Variants in TMEM108 observed in about 807,000 individuals in gnomAD.
The protein encoded by TMEM108 is transmembrane protein 108, also known as cancer/testis antigen 124.
In TMEM108, 12 loss-of-function variants were observed where a neutral mutation model predicts 35.1. The observed-to-expected ratio is 0.34, with a 90% confidence interval of 0.22 to 0.55. The LOEUF (loss-of-function observed/expected upper bound fraction) is 0.55. TMEM108 is among the 20% of genes least tolerant of loss of function. The pLI is 0.89. For synonymous variants in TMEM108, 287 were observed against 308.6 expected (o/e 0.93, Z 0.73); for missense variants, 680 against 753.3 (o/e 0.90, Z 1.14).
chr3:133,125,696 T>C (rs1944406327), intron 2 of TMEM108, among the ~76,000 whole-genome samples: 1 of 152,208 alleles, frequency 6.6e-6, no homozygotes, highest in East Asian at 1.9e-4. Context: ...GGATAAAGTT[T>C]TACTTGTGCA....
At chr3:133,186,059 T>G (rs1553745119) in intron 2 of TMEM108, among the ~76,000 whole-genome samples, 2 of 150,258 alleles carry the variant, frequency 1.3e-5, no homozygotes, top group Non-Finnish European at 1.5e-5. Flanking sequence ...TGAGCCACCG[T>G]GCCCAGCTGG....
rs532738619 is a variant in TMEM108, at chr3:133,210,427, A to G, written c.-46-18839A>G. Among the ~76,000 whole-genome samples the G allele has an allele frequency of 1.4e-3, 210 of 152,308 alleles. 1 individual carries two copies. Among genetic ancestry groups the G allele is most frequent in the South Asian group, 2.3e-3 (11 of 4,828 alleles). The stretch of plus-strand genomic sequence containing the variant: ...TTGGATTCCAAGACTTGCTGATCAT[A>G]ATAGCCATATTGGGAGCCTTTTAAA... On this transcript the variant is annotated intron_variant, in intron 2 of 5. Transcript: ENST00000321871.
chr3:133,147,177 T>C (rs191155631), intron 2 of TMEM108, among the ~76,000 whole-genome samples: 12 of 152,316 alleles, frequency 7.9e-5, no homozygotes, highest in African/African-American at 2.9e-4. Flanking sequence ...TTCTCATAGG[T>C]TTCAAAGAAC....
At chr3:133,172,976 T>G (rs1366150149) in intron 2 of TMEM108, among the ~76,000 whole-genome samples, 4 of 152,188 alleles carry the variant, frequency 2.6e-5, no homozygotes, top group African/African-American at 9.7e-5. Context: ...CTTCTTGCCT[T>G]CCACCATGAT....
At chr3:133,311,872 T>A (rs186213263) in intron 3 of TMEM108, among the ~76,000 whole-genome samples, 1 of 152,362 alleles carries the variant, frequency 6.6e-6, no homozygotes, top group Non-Finnish European at 1.5e-5. Flanking sequence ...TCTTTGATGA[T>A]GGTGACCTAC....
intron 2 of TMEM108, among the ~76,000 whole-genome samples, chr3:133,116,261 A>G (rs1944286779): frequency 6.6e-6 from 1 of 152,214 alleles, no homozygotes; most frequent in African/African-American, 2.4e-5. Context: ...CAAGAATCAC[A>G]GTAAATTTGA....
At chr3:133,386,361 T>A in intron 4 of TMEM108, 1 of 1,529,774 alleles carries the variant, frequency 6.5e-7, no homozygotes, top group Non-Finnish European at 8.8e-7. Context: ...AATTCAATAG[T>A]TGTTTGAAAG....
intron 2 of TMEM108, among the ~76,000 whole-genome samples, chr3:133,174,712 C>A (rs1489983324): frequency 6.6e-6 from 1 of 152,102 alleles, no homozygotes; most frequent in Non-Finnish European, 1.5e-5. Flanking sequence ...GTAGATAAAA[C>A]CACAAAGATG....
chr3:133,385,595 A>C (rs905577479), intron 4 of TMEM108, among the ~76,000 whole-genome samples: 2 of 152,202 alleles, frequency 1.3e-5, no homozygotes, highest in African/African-American at 4.8e-5. Flanking sequence ...CCATGGGCGA[A>C]TCCTTTCCCT....
At chr3:133,065,634 G>C (rs898992599) in intron 2 of TMEM108, among the ~76,000 whole-genome samples, 1 of 151,946 alleles carries the variant, frequency 6.6e-6, no homozygotes, top group Non-Finnish European at 1.5e-5. Flanking sequence ...CCAACAAGTT[G>C]TTTTATTCAT....
intron 3 of TMEM108, chr3:133,378,384 G>C (rs2072905050): frequency 1.0e-6 from 1 of 985,384 alleles, no homozygotes; most frequent in African/African-American, 1.7e-5. Flanking sequence ...CACAGCTGGG[G>C]CCCCTGCTTT....
chr3:133,159,806 C>T lies in TMEM108; in HGVS notation c.-46-69460C>T, dbSNP rs1323216828. Among the ~76,000 whole-genome samples the T allele has an allele frequency of 3.9e-5, 6 of 152,330 alleles. No individual in the cohort carries two copies. The South Asian group carries it at 1.0e-3, about 26-fold the overall frequency. On this transcript the variant is annotated intron_variant, in intron 2 of 5. Coordinates refer to ENST00000321871, the MANE Select transcript of TMEM108 (RefSeq NM_023943.4). Reference sequence around the variant, plus strand: ...TAGGACCTCTCTTCTTTAACTGCTACTCTATGCCCATCCTGTATCCCTTCT... The same window carrying T: ...TAGGACCTCTCTTCTTTAACTGCTATTCTATGCCCATCCTGTATCCCTTCT...
chr3:133,163,209 T>A (rs1424092865), intron 2 of TMEM108, among the ~76,000 whole-genome samples: 1 of 152,096 alleles, frequency 6.6e-6, no homozygotes, highest in Non-Finnish European at 1.5e-5. Context: ...GGGAACCCTT[T>A]TTTCTGAGAT....
At chr3:133,244,690 T>G (rs971339143) in intron 3 of TMEM108, among the ~76,000 whole-genome samples, 23 of 152,244 alleles carry the variant, frequency 1.5e-4, no homozygotes, top group African/African-American at 5.3e-4. Context: ...GCAGAATCAT[T>G]GCCAGCCTGA....
rs1474416215 is a variant in TMEM108, at chr3:133,397,111, GC to G, written c.*1127del. ...TCCCCTTGTTCCCGGCCGGCTGGCT[GC>G]CTCCCCGTGCTGTGTCCAGCACGGC... is the stretch of plus-strand genomic sequence containing the variant. On this transcript the variant is annotated 3_prime_UTR_variant, in exon 6 of 6. Transcript: ENST00000321871. The G allele has an allele frequency of 6.6e-6, 1 of 152,156 alleles. No individual in the cohort carries two copies. The highest frequency in any genetic ancestry group is 2.4e-5 in the African/African-American group (1 of 41,430). The allele number at this position is 152,156 out of a possible 1,614,324, so 9.4% of individuals were successfully genotyped here. A position where few individuals can be genotyped will look rare whatever the true frequency, so the allele number is the denominator to read the frequency against.
chr3:133,391,455 T>A (rs1374886173), intron 5 of TMEM108, among the ~76,000 whole-genome samples: 1 of 152,154 alleles, frequency 6.6e-6, no homozygotes, highest in African/African-American at 2.4e-5. Flanking sequence ...TAAACATAAC[T>A]GTGGTCACAT....
At chr3:133,236,329 GGAA>G (rs1946237002) in intron 3 of TMEM108, among the ~76,000 whole-genome samples, 1 of 151,976 alleles carries the variant, frequency 6.6e-6, no homozygotes, top group Non-Finnish European at 1.5e-5. Context: ...GAAAAGGAGG[GGAA>G]GAAGGAGAAA....
chr3:133,194,487 A>G (rs1012448129), intron 2 of TMEM108, among the ~76,000 whole-genome samples: 1 of 152,170 alleles, frequency 6.6e-6, no homozygotes, highest in Non-Finnish European at 1.5e-5. Flanking sequence ...TAGTTTTTTA[A>G]AAAATTACCT....
At chr3:133,362,301 A>C (rs928129203) in intron 3 of TMEM108, among the ~76,000 whole-genome samples, 3 of 152,154 alleles carry the variant, frequency 2.0e-5, no homozygotes, top group African/African-American at 4.8e-5. Flanking sequence ...GTGGGGTGAA[A>C]AAGGCTTTTG....
Sources: gnomAD v4.1 joint callset for allele counts (sites outside exome capture counted in the v4.1 genomes callset) on GRCh38, gnomAD v4.1.1 for gene constraint, MANE v1.5 for transcripts, NCBI Gene and HGNC (gene_info 2026-07-23, HGNC 2026-07-21) for gene names.